FUT8: variants seen among roughly 807,000 people sequenced by gnomAD.
FUT8 encodes the protein fucosyltransferase 8, also known as alpha-(1,6)-fucosyltransferase.
In FUT8, 29 loss-of-function variants were observed where a neutral mutation model predicts 71.3. That is an observed-to-expected ratio of 0.41 (90% CI 0.30 to 0.55). The LOEUF (loss-of-function observed/expected upper bound fraction) is 0.55. Ranked by LOEUF, FUT8 falls within the 20% of genes least tolerant of loss-of-function variation. The pLI is 0.34. For missense variants in FUT8, 544 were observed against 702.1 expected (o/e 0.77, Z 2.55); for synonymous variants, 254 against 239.3 (o/e 1.06, Z -0.57).
At chr14:65,692,461 C>A (rs1594902831) in intron 7 of FUT8, among the ~76,000 whole-genome samples, 1 of 107,324 alleles carries the variant, frequency 9.3e-6, no homozygotes, top group African/African-American at 3.4e-5. Flanking sequence ...GGGGGCTGAC[C>A]CCCCCACCTC....
intron 9 of FUT8, among the ~76,000 whole-genome samples, chr14:65,726,879 G>T (rs1895711810): frequency 6.6e-6 from 1 of 152,168 alleles, no homozygotes; most frequent in African/African-American, 2.4e-5. Flanking sequence ...GGGGGTACAG[G>T]CATTGGATAA....
In FUT8 at chr14:65,709,079, G is replaced by A. The variant is rs573833829; in HGVS notation, c.836-12696G>A. Among the ~76,000 whole-genome samples the A allele has an allele frequency of 7.2e-5, 11 of 152,124 alleles. No individual in the cohort carries two copies. The South Asian group carries it at 8.3e-4, about 11-fold the overall frequency. On this transcript the variant is annotated intron_variant, in intron 7 of 10. Coordinates refer to ENST00000673929, the MANE Select transcript of FUT8 (RefSeq NM_001371533.1). Reference sequence around the variant, plus strand: ...TAGCTTGATGTAATCTTTCTACAACGTATATAAATATCAAAACACCACATT... The same window carrying A: ...TAGCTTGATGTAATCTTTCTACAACATATATAAATATCAAAACACCACATT...
intron 7 of FUT8, among the ~76,000 whole-genome samples, chr14:65,702,296 G>A (rs1266198452): frequency 1.4e-5 from 2 of 144,320 alleles, no homozygotes; most frequent in Non-Finnish European, 3.0e-5. Flanking sequence ...TGTGAGCTGA[G>A]ATCATGGCGT....
chr14:65,595,092 C>G (rs540038946), intron 3 of FUT8, among the ~76,000 whole-genome samples: 3 of 152,244 alleles, frequency 2.0e-5, no homozygotes, highest in Admixed American at 2.0e-4. Flanking sequence ...CCTCCTCTGC[C>G]TCCTGTTGCT....
Position 65,413,348 on chromosome 14 carries a change from AC to A in FUT8, c.-326+136del, listed in dbSNP as rs2139349285. ...CTGTTGCTGCAACTGCTGCCGGTTA[AC>A]CAGCGGCTCTCGGAAAAGTGGGGAG... is the stretch of plus-strand genomic sequence containing the variant. On this transcript the variant is annotated intron_variant, in intron 1 of 10. Transcript: ENST00000673929. The surrounding 1 kb of genome is among the most constrained non-coding windows in gnomAD (Gnocchi z 4.1). 1 of 152,344 alleles carries A rather than the reference AC, an allele frequency of 6.6e-6. No homozygotes were observed. Among genetic ancestry groups the A allele is most frequent in the East Asian group, 1.9e-4 (1 of 5,176 alleles). The allele number at this position is 152,344 out of a possible 1,614,324, so 9.4% of individuals were successfully genotyped here.
chr14:65,617,125 A>C (rs1208062890), intron 5 of FUT8: 1 of 1,597,992 alleles, frequency 6.3e-7, no homozygotes, highest in Non-Finnish European at 8.5e-7. Context: ...TTAGTGAACA[A>C]TAAAAGAAAA....
chr14:65,423,497 C>T (rs1192639696), intron 1 of FUT8, among the ~76,000 whole-genome samples: 1 of 151,496 alleles, frequency 6.6e-6, no homozygotes, highest in African/African-American at 2.4e-5. Context: ...CTCCTGACCT[C>T]GTGATCCGCC....
intron 2 of FUT8, among the ~76,000 whole-genome samples, chr14:65,457,413 A>T (rs754833750): frequency 6.6e-6 from 1 of 152,216 alleles, no homozygotes; most frequent in African/African-American, 2.4e-5. Flanking sequence ...AAGGGGATCT[A>T]TTGGAACTTG....
the FUT8 span, among the ~76,000 whole-genome samples, chr14:65,363,324 G>A: frequency 2.4e-5 from 1 of 41,736 alleles, no homozygotes; most frequent in South Asian, 1.2e-3. Context: ...GTTTCACCCT[G>A]TTGGTCAGGC....
intron 7 of FUT8, among the ~76,000 whole-genome samples, chr14:65,709,475 A>G (rs905486792): frequency 6.6e-6 from 1 of 152,190 alleles, no homozygotes; most frequent in Non-Finnish European, 1.5e-5. Context: ...TCAAAAAGAA[A>G]GTCTCAGTTT....
At chr14:65,536,684 A>G (rs186313680) in intron 2 of FUT8, among the ~76,000 whole-genome samples, 1 of 152,172 alleles carries the variant, frequency 6.6e-6, no homozygotes, top group East Asian at 1.9e-4. Flanking sequence ...TGCCTTTAAC[A>G]TGTTTTCTTT....
At chr14:65,614,111 C>CAA (rs33994378) in intron 3 of FUT8, among the ~76,000 whole-genome samples, 74,178 of 134,126 alleles carry the variant, frequency 0.55, 20,694 homozygotes, top group Non-Finnish European at 0.65. Flanking sequence ...GAGACTGTGT[C>CAA]AAAAAAAAAA....
chr14:65,646,253 G>T (rs961551129), intron 6 of FUT8: 4 of 152,158 alleles, frequency 2.6e-5, no homozygotes, highest in South Asian at 2.1e-4. Flanking sequence ...TTCCTAAGGG[G>T]TTCTCAGTCC....
At chr14:65,626,034 T>A (rs945430532) in intron 5 of FUT8, among the ~76,000 whole-genome samples, 1 of 152,172 alleles carries the variant, frequency 6.6e-6, no homozygotes, top group Non-Finnish European at 1.5e-5. Context: ...TTCTCATTGA[T>A]CAATCCCCCT....
At chr14:65,662,273 C>T (rs1240153575) in intron 6 of FUT8, among the ~76,000 whole-genome samples, 1 of 152,022 alleles carries the variant, frequency 6.6e-6, no homozygotes, top group Non-Finnish European at 1.5e-5. Flanking sequence ...GTTAGCTGGG[C>T]TACTTGGGGG....
intron 6 of FUT8, among the ~76,000 whole-genome samples, chr14:65,633,004 T>TCCCCCCCCCC (rs376298224): frequency 6.4e-5 from 5 of 78,014 alleles, no homozygotes; most frequent in East Asian, 3.8e-4. Flanking sequence ...CCCTCTCCCC[T>TCCCCCCCCCC]CCCCCCCCCC....
rs560703697 is a variant in FUT8, at chr14:65,435,726, C to T, written c.-325-19895C>T. On this transcript the variant is annotated intron_variant, in intron 1 of 10. Transcript: ENST00000673929. ...TTGTACCATTTTGCATTTCCACCAA[C>T]GATGTTTGAGAGTTCCAGTTGCTCT... Among the ~76,000 whole-genome samples the T allele has an allele frequency of 1.1e-4, 17 of 151,150 alleles. No homozygotes were observed. In the East Asian group the frequency reaches 1.2e-3, roughly 10 times the overall value.
intron 2 of FUT8, among the ~76,000 whole-genome samples, chr14:65,549,232 C>G (rs1435315894): frequency 9.9e-5 from 15 of 152,126 alleles, no homozygotes. Flanking sequence ...CTATTTGACC[C>G]AAGTTAGCTG....
the FUT8 span, among the ~76,000 whole-genome samples, chr14:65,382,932 T>A: frequency 6.6e-6 from 1 of 152,100 alleles, no homozygotes; most frequent in African/African-American, 2.4e-5. Flanking sequence ...TCTAAGAACT[T>A]CTTCTGTGTT....
Sources: gnomAD v4.1 joint callset for allele counts (sites outside exome capture counted in the v4.1 genomes callset) on GRCh38, gnomAD v4.1.1 for gene constraint, Gnocchi (gnomAD v3.1) non-coding constraint, MANE v1.5 for transcripts, NCBI Gene and HGNC (gene_info 2026-07-23, HGNC 2026-07-21) for gene names.